The following PPIE variants were observed in gnomAD, a reference collection of about 807,000 sequenced individuals.
PPIE encodes the protein peptidylprolyl isomerase E.
PPIE carries 20 observed loss-of-function variants against 38.4 expected under a neutral mutation model. The ratio of observed to expected loss-of-function variants is 0.52; its 90% CI spans 0.37 to 0.76. The LOEUF (loss-of-function observed/expected upper bound fraction) is 0.76, where lower values mean the gene tolerates loss of function less well. Ranked by LOEUF, PPIE falls within the 30% of genes least tolerant of loss-of-function variation. The pLI is 0.00. For synonymous variants in PPIE, 142 were observed against 135.7 expected, an observed-to-expected ratio of 1.05 and a Z score of -0.32; for missense variants, 322 against 385.8, an observed-to-expected ratio of 0.83 and a Z score of 1.39.
chr1:39,755,249 T>C lies in PPIE; in HGVS notation c.*1894T>C. ...CATTCAGAATCCACTGAGCTGAGCT[T>C]TTGCATCTTGGATTGAGATCTGGAT... On this transcript the variant is annotated 3_prime_UTR_variant, in exon 10 of 10. Transcript: ENST00000324379. 1.0e-6 allele frequency: 1 copy of C among 985,442 alleles called. No homozygotes were observed. The highest frequency in any genetic ancestry group is 1.2e-6 in the Non-Finnish European group (1 of 829,924). The allele number at this position is 985,442 out of a possible 1,614,324, so 61.0% of individuals were successfully genotyped here.
intron 7 of PPIE, chr1:39,745,800 A>T (rs1440587088): frequency 8.0e-6 from 2 of 250,946 alleles, no homozygotes; most frequent in Non-Finnish European, 1.5e-5. Flanking sequence ...TAAATTGAAA[A>T]TTCATTTTCC....
At chr1:39,752,645 C>T (rs1446292667) in intron 8 of PPIE, among the ~76,000 whole-genome samples, 2 of 152,232 alleles carry the variant, frequency 1.3e-5, no homozygotes, top group Non-Finnish European at 2.9e-5. Context: ...CAGGGCTTAA[C>T]AGGGACCTGG....
At position 39,755,583 on chromosome 1, in the gene PPIE, C is replaced by T; in HGVS notation, c.*2228C>T. 1.0e-6 allele frequency: 1 copy of T among 985,430 alleles called. No homozygotes were observed. Among genetic ancestry groups the T allele is most frequent in the Non-Finnish European group, 1.2e-6 (1 of 829,918 alleles). The allele number at this position is 985,430 out of a possible 1,614,324, so 61.0% of individuals were successfully genotyped here. A position where few individuals can be genotyped will look rare whatever the true frequency, so the allele number is the denominator to read the frequency against. On this transcript the variant is annotated 3_prime_UTR_variant, in exon 10 of 10. Transcript: ENST00000324379. The stretch of plus-strand genomic sequence containing the variant: ...ATCTATGAAGCTGGGGATGATAGCA[C>T]TGACTTCAGTGCTTGGACGAGAACC...
rs750690185 is a variant in PPIE at position 39,755,572 on chromosome 1, G to A, written c.*2217G>A. ...GTTAGGCAGGCATCTATGAAGCTGGGGATGATAGCACTGACTTCAGTGCTT... is the reference window on the plus strand; with the variant it reads ...GTTAGGCAGGCATCTATGAAGCTGGAGATGATAGCACTGACTTCAGTGCTT... On this transcript the variant is annotated 3_prime_UTR_variant, in exon 10 of 10. Coordinates refer to ENST00000324379, the MANE Select transcript of PPIE (RefSeq NM_006112.4). 11 of 985,410 alleles carry A rather than the reference G, an allele frequency of 1.1e-5. No homozygotes were observed. Among genetic ancestry groups the A allele is most frequent in the Non-Finnish European group, 1.3e-5 (11 of 829,928 alleles). 61.0% of individuals were successfully genotyped at this position (985,410 alleles called of 1,614,324 possible). A position where few individuals can be genotyped will look rare whatever the true frequency, so the allele number is the denominator to read the frequency against.
intron 1 of PPIE, among the ~76,000 whole-genome samples, chr1:39,739,768 A>G (rs1179167062): frequency 6.6e-6 from 1 of 152,226 alleles, no homozygotes; most frequent in Non-Finnish European, 1.5e-5. Context: ...GAAGCAAAGC[A>G]AAAAAGCTGG....
chr1:39,760,116 C>T, downstream of PPIE: 1 of 438,786 alleles, frequency 2.3e-6, no homozygotes, highest in South Asian at 2.5e-5. Flanking sequence ...TCAGACAGGA[C>T]TTCTGTGCCA....
chr1:39,752,646 A>G (rs1416512136), intron 8 of PPIE, among the ~76,000 whole-genome samples: 1 of 152,250 alleles, frequency 6.6e-6, no homozygotes, highest in East Asian at 1.9e-4. Flanking sequence ...AGGGCTTAAC[A>G]GGGACCTGGT....
At chr1:39,760,456 T>C (rs777113057), downstream of PPIE, 2 of 1,614,140 alleles carry the variant, frequency 1.2e-6, no homozygotes, top group South Asian at 2.2e-5. Flanking sequence ...CATGTTGCGG[T>C]GCTTGCGCAG....
chr1:39,753,304 C>T lies in PPIE; in HGVS notation c.855C>T (p.Asp285=), dbSNP rs375391429. Residue 285 remains aspartate, a synonymous_variant, in exon 10 of 10, where the codon GAC becomes GAT. Coordinates refer to ENST00000324379, the MANE Select transcript of PPIE (RefSeq NM_006112.4). ...CCACAAAGGCCCAGGGCAGCAAGGA[C>T]GGGAAGCCAAAGCAGAAGGTGATCA... ...LRQIEAQGSK[D]GKPKQKVIIA... 4.9e-5 allele frequency: 79 copies of T among 1,614,020 alleles called. No homozygotes were observed. Among genetic ancestry groups the T allele is most frequent in the African/African-American group, 1.5e-4 (11 of 74,936 alleles).
downstream of PPIE, chr1:39,760,504 G>T (rs1211824337): frequency 6.2e-7 from 1 of 1,614,176 alleles, no homozygotes; most frequent in East Asian, 2.2e-5. Flanking sequence ...GAGCACAGAG[G>T]TGGCGCTCAG....
rs574976849 is a variant in PPIE at position 39,763,518 on chromosome 1, T to A, written c.838-171T>A. Among the ~76,000 whole-genome samples the A allele has an allele frequency of 3.6e-4, 51 of 143,342 alleles. 7 individuals are homozygous for A. Among genetic ancestry groups the A allele is most frequent in the South Asian group, 2.2e-3 (10 of 4,488 alleles). The allele number at this position is 143,342 out of a possible 152,430, so 94.0% of individuals were successfully genotyped here. On this transcript the variant is annotated intron_variant, in intron 9 of 9. Transcript: ENST00000356511. ...GATTCAGTCTTCATTTTCATGGTTT[T>A]AAAAAAAACAAAAAACTGAACAAAA...
Position 39,745,531 on chromosome 1 carries a change from C to T in PPIE, c.508+33C>T, listed in dbSNP as rs147429680. The T allele has an allele frequency of 2.9e-4, 463 of 1,613,582 alleles. No individual in the cohort carries two copies. The African/African-American group carries it at 5.2e-3, about 18-fold the overall frequency. Reference sequence around the variant, plus strand: ...GGACGCTGTGGTCAGAACGGCGGGACGCTGGTGGCTGAGCAGTGAGCCTTT... The same window carrying T: ...GGACGCTGTGGTCAGAACGGCGGGATGCTGGTGGCTGAGCAGTGAGCCTTT... On this transcript the variant is annotated intron_variant, in intron 7 of 9. Transcript: ENST00000324379.
At chr1:39,750,341 G>A (rs924764251) in intron 8 of PPIE, among the ~76,000 whole-genome samples, 17 of 152,090 alleles carry the variant, frequency 1.1e-4, no homozygotes, top group African/African-American at 2.9e-4. Context: ...CCAAAAATAC[G>A]AGTAGCCAGT....
chr1:39,752,859 T>A (rs375906526), intron 8 of PPIE, 51 bp from the exon 9 acceptor site: 18 of 1,584,696 alleles, frequency 1.1e-5, no homozygotes, highest in Non-Finnish European at 1.4e-5. Flanking sequence ...AGACGTCCTT[T>A]AAGGGCTGGT....
intron 9 of PPIE, chr1:39,762,230 T>G: frequency 3.2e-6 from 1 of 309,950 alleles, no homozygotes; most frequent in Non-Finnish European, 6.0e-6. Context: ...TGTGTGTGTG[T>G]GTGTTTTAAT....
Position 39,755,175 on chromosome 1 carries a change from C to T in PPIE, c.*1820C>T. 1.0e-6 allele frequency: 1 copy of T among 985,472 alleles called. No homozygotes were observed. Among genetic ancestry groups the T allele is most frequent in the Non-Finnish European group, 1.2e-6 (1 of 829,950 alleles). The allele number at this position is 985,472 out of a possible 1,614,324, so 61.0% of individuals were successfully genotyped here. ...ATCTGCTGAAGGCTTTTAGCAGGGA[C>T]TGAGTCCTGTAGCTGTTGGACACCT... On this transcript the variant is annotated 3_prime_UTR_variant, in exon 10 of 10. Coordinates refer to ENST00000324379, the MANE Select transcript of PPIE (RefSeq NM_006112.4).
chr1:39,745,318 A>G, intron 6 of PPIE, 57 bp from the exon 7 acceptor site: 3 of 1,608,420 alleles, frequency 1.9e-6, no homozygotes, highest in South Asian at 2.2e-5. Flanking sequence ...GAATACTCGC[A>G]CTCCTACTTA....
Position 39,754,028 on chromosome 1 carries a change from A to C in PPIE, c.*673A>C. 1 of 985,428 alleles carries C rather than the reference A, an allele frequency of 1.0e-6. No homozygotes were observed. Among genetic ancestry groups the C allele is most frequent in the Non-Finnish European group, 1.2e-6 (1 of 829,922 alleles). 61.0% of individuals were successfully genotyped at this position (985,428 alleles called of 1,614,324 possible). ...TCACCCTACAGATTTTAAAAAATGA[A>C]ATTTTTATAACTCAAAGTGCCTTCT... On this transcript the variant is annotated 3_prime_UTR_variant, in exon 10 of 10. Coordinates refer to ENST00000324379, the MANE Select transcript of PPIE (RefSeq NM_006112.4).
intron 9 of PPIE, chr1:39,762,602 A>C (rs1557470653): frequency 9.0e-6 from 14 of 1,550,202 alleles, no homozygotes; most frequent in Non-Finnish European, 1.2e-5. Context: ...AAAAGCCAAA[A>C]GGTTGAGAGC....
Sources: allele counts gnomAD v4.1 joint callset (sites outside exome capture counted in the v4.1 genomes callset), GRCh38; gene constraint gnomAD v4.1.1; transcripts MANE v1.5; gene names NCBI Gene and HGNC (gene_info 2026-07-23, HGNC 2026-07-21).